Variants in SEC16A observed in about 807,000 individuals in gnomAD.
SEC16A encodes SEC16 homolog A, endoplasmic reticulum export factor.
In SEC16A, 110 loss-of-function variants were observed where a neutral mutation model predicts 221.9. The observed-to-expected ratio is 0.50, with a 90% CI of 0.42 to 0.58. The LOEUF (loss-of-function observed/expected upper bound fraction) is 0.58. Ranked by LOEUF, SEC16A falls within the 20% of genes least tolerant of loss-of-function variation. SEC16A has a pLI of 0.00. For synonymous variants in SEC16A, 1,393 were observed against 1,257.7 expected, an observed-to-expected ratio of 1.11 and a Z score of -2.28; for missense variants, 3,165 against 3,097.8, an observed-to-expected ratio of 1.02 and a Z score of -0.52.
chr9:136,454,187 C>T lies in SEC16A; in HGVS notation c.5998G>A (p.Gly2000Arg), dbSNP rs779414549. 2.8e-5 allele frequency: 43 copies of T among 1,560,272 alleles called. No homozygotes were observed. Among genetic ancestry groups the T allele is most frequent in the Non-Finnish European group, 3.4e-5 (39 of 1,152,064 alleles). ...GGCACACCAGGTGGGAGGCCAGGCC[C>T]GGAGGGCTCCAGGAAGCCAAGTGCA... is the stretch of plus-strand genomic sequence containing the variant. ...GPALGFLEPS[G>R]PGLPPGVPPL... The change falls in exon 21 of 32, where the codon GGG becomes AGG. Residue 2000 changes from glycine to arginine, a missense_variant. Physicochemically the swap from Gly to Arg is moderately radical, Grantham distance 125. This residue lies in a region of SEC16A where 1,088 missense variants were observed against 1,089.6 expected (regional missense o/e 1.00). Coordinates refer to ENST00000684901, the MANE Select transcript of SEC16A (RefSeq NM_014866.2).
intron 28 of SEC16A, among the ~76,000 whole-genome samples, chr9:136,446,224 G>A (rs1836959645): frequency 6.6e-6 from 1 of 151,276 alleles, no homozygotes; most frequent in Non-Finnish European, 1.5e-5. Context: ...TTCTGCCTCA[G>A]CCTTCTGAGT....
rs776667628 is a variant in SEC16A, at chr9:136,476,950, T to C, written c.666A>G (p.Pro222=). Residue 222 remains proline, a synonymous_variant, in exon 3 of 32, where the codon CCA becomes CCG. Coordinates refer to ENST00000684901, the MANE Select transcript of SEC16A (RefSeq NM_014866.2). ...PGQWGPVQGG[P]QPSGQHRSPC... ...GTGAACGATGTTGCCCCGAGGGCTG[T>C]GGGCCTCCCTGCACTGGCCCCCACT... is the stretch of plus-strand genomic sequence containing the variant. 1.2e-6 allele frequency: 2 copies of C among 1,612,768 alleles called. No individual in the cohort carries two copies. Among genetic ancestry groups the C allele is most frequent in the Non-Finnish European group, 1.7e-6 (2 of 1,179,704 alleles).
intron 22 of SEC16A, among the ~76,000 whole-genome samples, chr9:136,452,269 A>C (rs1837922274): frequency 6.6e-6 from 1 of 150,892 alleles, no homozygotes; most frequent in Non-Finnish European, 1.5e-5. Context: ...CAAGATGGTG[A>C]AACCCCATCT....
chr9:136,476,075 T>C lies in SEC16A; in HGVS notation c.1541A>G (p.His514Arg). ...TGACACGCTGTCAGGGTGCACTGTA[T>C]GCAGTGTGGCATCAGGGGCTCCGGT... ...CHTGAPDATL[H>R]TVHPDSVSSS... The change falls in exon 3 of 32, where the codon CAT becomes CGT. Residue 514 changes from histidine (H) to arginine (R), a missense_variant. By Grantham distance (29) the His-to-Arg change is conservative. Around this residue, in one of 3 missense-constraint regions of SEC16A, gnomAD observed 2,030 missense variants for 1,923.1 expected, o/e 1.06. Transcript: ENST00000684901. 6.2e-7 allele frequency: 1 copy of C among 1,613,648 alleles called. No homozygotes were observed. The highest frequency in any genetic ancestry group is 8.5e-7 in the Non-Finnish European group (1 of 1,179,886).
chr9:136,447,866 T>A lies in SEC16A; in HGVS notation c.6434A>T (p.Glu2145Val), dbSNP rs979188595. Residue 2145 changes from glutamate (E) to valine (V), a missense_variant, in exon 25 of 32, where the codon GAG becomes GTG. Physicochemically the swap from Glu to Val is moderately radical, Grantham distance 121. This residue lies in a region of SEC16A where 1,088 missense variants were observed against 1,089.6 expected (regional missense o/e 1.00). Coordinates refer to ENST00000684901, the MANE Select transcript of SEC16A (RefSeq NM_014866.2). This position sits in a 1 kb window ranked among gnomAD's most constrained non-coding sequence, Gnocchi z 5.5. ...EKKNQWVNLNEPEEEKKAPPP... is the reference protein window; with the variant it reads ...EKKNQWVNLNVPEEEKKAPPP... ...ATGACAATTTACCTCCTCTTCTGGCTCATTTAAATTCACCCACTGGTTTTT... is the reference window on the plus strand; with the variant it reads ...ATGACAATTTACCTCCTCTTCTGGCACATTTAAATTCACCCACTGGTTTTT... The A allele has an allele frequency of 3.1e-6, 5 of 1,609,826 alleles. No individual in the cohort carries two copies. Among genetic ancestry groups the A allele is most frequent in the Non-Finnish European group, 4.2e-6 (5 of 1,177,722 alleles).
At position 136,475,489 on chromosome 9, in the gene SEC16A, T is replaced by C; in HGVS notation, c.2127A>G (p.Ser709=). 6.2e-7 allele frequency: 1 copy of C among 1,608,298 alleles called. No homozygotes were observed. The highest frequency in any genetic ancestry group is 8.5e-7 in the Non-Finnish European group (1 of 1,175,972). ...ACTTCACGGGCCCCTGGGTCCTGGC[T>C]GAAGGCCTCTTCTCGGGTGCTGGAT... ...TVYPAPEKRP[S]ARTQGPVKCE... is the part of the protein sequence containing the mutation. Residue 709 remains serine (S), a synonymous_variant, in exon 3 of 32, where the codon TCA becomes TCG. Coordinates refer to ENST00000684901, the MANE Select transcript of SEC16A (RefSeq NM_014866.2). This position sits in a 1 kb window ranked among gnomAD's most constrained non-coding sequence, Gnocchi z 5.0.
Position 136,477,128 on chromosome 9 carries a change from G to A in SEC16A, c.488C>T (p.Pro163Leu). 1 of 1,613,866 alleles carries A rather than the reference G, an allele frequency of 6.2e-7. No individual in the cohort carries two copies. Among genetic ancestry groups the A allele is most frequent in the Non-Finnish European group, 8.5e-7 (1 of 1,179,884 alleles). ...QTLPYLPHYI[P>L]GVDPETSHGG... ...ATGAGACGTTTCAGGATCCACTCCT[G>A]GAATGTAGTGAGGAAGATATGGCAG... The change falls in exon 3 of 32, where the codon CCA (proline) becomes CTA (leucine). Residue 163 changes from proline to leucine, a missense_variant. Pro to Leu is a moderately conservative substitution (Grantham distance 98). Transcript: ENST00000684901.
chr9:136,484,289 G>T, upstream of SEC16A: 1 of 982,282 alleles, frequency 1.0e-6, no homozygotes, highest in Non-Finnish European at 1.3e-6. Flanking sequence ...ACCCAGCGGA[G>T]GGGTGAGGCG....
intron 17 of SEC16A, among the ~76,000 whole-genome samples, chr9:136,458,716 G>C (rs1839064721): frequency 6.6e-6 from 1 of 151,718 alleles, no homozygotes; most frequent in Admixed American, 6.6e-5. Context: ...ATGACTGCTT[G>C]AGCCCAGGAG....
At position 136,459,943 on chromosome 9, in the gene SEC16A, G is replaced by C; in HGVS notation, c.5074-69C>G. 6.5e-7 allele frequency: 1 copy of C among 1,536,740 alleles called. No homozygotes were observed. Among genetic ancestry groups the C allele is most frequent in the Non-Finnish European group, 8.9e-7 (1 of 1,125,368 alleles). On this transcript the variant is annotated intron_variant, in intron 14 of 31. Coordinates refer to ENST00000684901, the MANE Select transcript of SEC16A (RefSeq NM_014866.2). The surrounding 1 kb of genome is among the most constrained non-coding windows in gnomAD (Gnocchi z 6.1). ...AGCGCCATTTCAATTCCACACAGCT[G>C]GGCTCACCAGGCACCTCACGGCCTG...
chr9:136,473,552 C>A (rs1419694157), intron 3 of SEC16A, among the ~76,000 whole-genome samples: 2 of 152,270 alleles, frequency 1.3e-5, no homozygotes, highest in Non-Finnish European at 2.9e-5. Context: ...GACTCCGCCT[C>A]GCTTAGCTGA....
At position 136,441,717 on chromosome 9, in the gene SEC16A, C is replaced by T. The variant is rs374925444; in HGVS notation, c.*38G>A. ...TCGGGTTCTTCGGGGAGAACAGCAG[C>T]GTCAGGGCTCCAAGTGCAAGTTCAC... On this transcript the variant is annotated 3_prime_UTR_variant, in exon 32 of 32. Transcript: ENST00000684901. 13 of 1,596,004 alleles carry T rather than the reference C, an allele frequency of 8.1e-6. No individual in the cohort carries two copies. Among genetic ancestry groups the T allele is most frequent in the South Asian group, 2.2e-5 (2 of 90,704 alleles).
intron 4 of SEC16A, among the ~76,000 whole-genome samples, chr9:136,470,358 G>T (rs1840697295): frequency 6.6e-6 from 1 of 152,332 alleles, no homozygotes; most frequent in Non-Finnish European, 1.5e-5. Context: ...GTTCCTAGGT[G>T]AGCCTGGCAG....
intron 22 of SEC16A, among the ~76,000 whole-genome samples, chr9:136,451,760 G>C (rs1010772742): frequency 1.3e-5 from 2 of 152,120 alleles, no homozygotes; most frequent in Non-Finnish European, 2.9e-5. Context: ...GGGGGCGATG[G>C]GTGTTCTCAA....
Position 136,447,764 on chromosome 9 carries a change from G to C in SEC16A, c.6448-84C>G. The C allele has an allele frequency of 6.5e-7, 1 of 1,543,080 alleles. No homozygotes were observed. Among genetic ancestry groups the C allele is most frequent in the Non-Finnish European group, 8.9e-7 (1 of 1,123,920 alleles). Reference sequence around the variant, plus strand: ...GCACAGTCAGGAGGCTCCAAAAGGGGCAACAGCCACCCAAATATCACAGGG... The same window carrying C: ...GCACAGTCAGGAGGCTCCAAAAGGGCCAACAGCCACCCAAATATCACAGGG... On this transcript the variant is annotated intron_variant, in intron 25 of 31. Transcript: ENST00000684901. The surrounding 1 kb of genome is among the most constrained non-coding windows in gnomAD (Gnocchi z 5.5).
intron 9 of SEC16A, 144 bp from the exon 10 acceptor site, chr9:136,463,884 G>A (rs1258176712): frequency 2.8e-5 from 23 of 809,876 alleles, no homozygotes; most frequent in Non-Finnish European, 6.2e-6. Context: ...TGAAGGCTCT[G>A]TCGAGGCTGT....
chr9:136,452,769 GA>G (rs35228326), intron 22 of SEC16A, among the ~76,000 whole-genome samples: 20,025 of 77,784 alleles, frequency 0.26, 1,821 homozygotes, highest in Non-Finnish European at 0.33. Flanking sequence ...ATGTCTTAGG[GA>G]AAAAAAAAAA....
intron 5 of SEC16A, among the ~76,000 whole-genome samples, chr9:136,467,611 C>G (rs1448611778): frequency 6.6e-6 from 1 of 152,126 alleles, no homozygotes; most frequent in Non-Finnish European, 1.5e-5. Flanking sequence ...CAAAAATAAT[C>G]TCAATATTAA....
In SEC16A at chr9:136,475,688, T is replaced by C; in HGVS notation, c.1928A>G (p.Lys643Arg). 6.2e-7 allele frequency: 1 copy of C among 1,613,706 alleles called. No homozygotes were observed. The highest frequency in any genetic ancestry group is 2.2e-5 in the East Asian group (1 of 44,876). ...GEVRETCVRQ[K>R]QCRPAAALPD... ...CAGGGCGGCAGCTGGTCTGCACTGC[T>C]TCTGGCGGACACAGGTCTCCCTTAC... Residue 643 changes from lysine to arginine, a missense_variant, in exon 3 of 32, where the codon AAG (lysine) becomes AGG (arginine). Coordinates refer to ENST00000684901, the MANE Select transcript of SEC16A (RefSeq NM_014866.2). This position sits in a 1 kb window ranked among gnomAD's most constrained non-coding sequence, Gnocchi z 5.0.
Sources: allele counts gnomAD v4.1 joint callset (sites outside exome capture counted in the v4.1 genomes callset), GRCh38; gene constraint gnomAD v4.1.1; regional missense constraint gnomAD v4.1.1; non-coding constraint Gnocchi (gnomAD v3.1); transcripts MANE v1.5; gene names NCBI Gene and HGNC (gene_info 2026-07-23, HGNC 2026-07-21).